MECOM: variants seen among roughly 807,000 people sequenced by gnomAD.
MECOM encodes histone-lysine N-methyltransferase MECOM.
In MECOM, 13 loss-of-function variants were observed where a neutral mutation model predicts 116.3. The ratio of observed to expected loss-of-function variants is 0.11; its 90% CI spans 0.07 to 0.18. The LOEUF (loss-of-function observed/expected upper bound fraction) is 0.18, where lower values mean the gene tolerates loss of function less well. MECOM is among the 10% of genes least tolerant of loss of function. MECOM has a pLI of 1.00. For synonymous variants in MECOM, 528 were observed against 535.2 expected (o/e 0.99, Z 0.19); for missense variants, 1,299 against 1,509.0 (o/e 0.86, Z 2.31).
At chr3:169,526,185 T>A (rs1757949197) in intron 1 of MECOM, among the ~76,000 whole-genome samples, 2 of 152,136 alleles carry the variant, frequency 1.3e-5, no homozygotes, top group South Asian at 4.2e-4. Flanking sequence ...CTATGTTCAA[T>A]GTTGAATTGA....
At position 169,663,582 on chromosome 3, in the gene MECOM, C is replaced by G; in HGVS notation, c.-210G>C. On this transcript the variant is annotated 5_prime_UTR_variant, in exon 1 of 17. Coordinates refer to ENST00000651503, the MANE Select transcript of MECOM (RefSeq NM_004991.4). ...TCTCTCTCTTCCACACACTCACTCTCTGTATTTTCTTCTTTCACTCTCTCT... is the reference window on the plus strand; with the variant it reads ...TCTCTCTCTTCCACACACTCACTCTGTGTATTTTCTTCTTTCACTCTCTCT... The G allele has an allele frequency of 1.7e-6, 1 of 593,572 alleles. No individual in the cohort carries two copies. The highest frequency in any genetic ancestry group is 2.1e-5 in the South Asian group (1 of 46,856). The allele number at this position is 593,572 out of a possible 1,614,324, so 36.8% of individuals were successfully genotyped here. A position where few individuals can be genotyped will look rare whatever the true frequency, so the allele number is the denominator to read the frequency against.
chr3:169,563,709 G>A (rs878857308), intron 1 of MECOM, among the ~76,000 whole-genome samples: 1 of 152,070 alleles, frequency 6.6e-6, no homozygotes, highest in South Asian at 2.1e-4. Flanking sequence ...GACACTACGC[G>A]GACATCAGGC....
At chr3:169,568,584 G>T (rs1372355013) in intron 1 of MECOM, among the ~76,000 whole-genome samples, 1 of 152,206 alleles carries the variant, frequency 6.6e-6, no homozygotes, top group Non-Finnish European at 1.5e-5. Flanking sequence ...TCCCCTCACA[G>T]TGTAAACAAA....
At chr3:169,421,122 C>T (rs1466925524) in intron 1 of MECOM, among the ~76,000 whole-genome samples, 1 of 152,082 alleles carries the variant, frequency 6.6e-6, no homozygotes, top group Non-Finnish European at 1.5e-5. Flanking sequence ...AGAGGTAGGA[C>T]ATGGTCTAAG....
At chr3:169,163,309 A>G (rs995766900) in intron 2 of MECOM, among the ~76,000 whole-genome samples, 5 of 152,152 alleles carry the variant, frequency 3.3e-5, no homozygotes, top group Admixed American at 6.6e-5. Context: ...AACAAATCAG[A>G]CATAATCCTT....
chr3:169,385,119 A>T (rs1380372930), intron 1 of MECOM, among the ~76,000 whole-genome samples: 1 of 151,568 alleles, frequency 6.6e-6, no homozygotes, highest in Non-Finnish European at 1.5e-5. Context: ...AAAAAAAAAA[A>T]AAAAGCATAG....
At chr3:169,088,361 A>C (rs1442622831) in intron 16 of MECOM, among the ~76,000 whole-genome samples, 1 of 152,186 alleles carries the variant, frequency 6.6e-6, no homozygotes, top group Non-Finnish European at 1.5e-5. Context: ...ATTTATTTTT[A>C]GTTACCATAG....
In MECOM at chr3:169,352,278, G is replaced by A. The variant is rs1726454823; in HGVS notation, c.375+28909C>T. Among the ~76,000 whole-genome samples, 4 of 151,878 alleles carry A rather than the reference G, an allele frequency of 2.6e-5. No homozygotes were observed. The South Asian group carries it at 8.3e-4, about 32-fold the overall frequency. On this transcript the variant is annotated intron_variant, in intron 2 of 16. Coordinates refer to ENST00000651503, the MANE Select transcript of MECOM (RefSeq NM_004991.4). ...GTTAGATTTAAAGAAATATATTAAT[G>A]GAAGTTAATAATTTCTTAAAACCGG...
intron 2 of MECOM, among the ~76,000 whole-genome samples, chr3:169,175,832 T>C (rs956737166): frequency 2.6e-5 from 4 of 152,200 alleles, no homozygotes; most frequent in Non-Finnish European, 4.4e-5. Flanking sequence ...CTTCCTTCTA[T>C]GGCAGACCCT....
At chr3:169,092,924 G>A (rs188873408) in intron 14 of MECOM, 34 bp downstream of exon 14, 77 of 1,611,846 alleles carry the variant, frequency 4.8e-5, no homozygotes, top group Middle Eastern at 1.7e-4. Flanking sequence ...CATTTCAGTC[G>A]TCACAGAGTT....
At chr3:169,207,261 A>G (rs560750452) in intron 2 of MECOM, among the ~76,000 whole-genome samples, 1 of 152,296 alleles carries the variant, frequency 6.6e-6, no homozygotes, top group Admixed American at 6.5e-5. Flanking sequence ...CCAGGTTAAG[A>G]ATAGTTCTCA....
chr3:169,178,781 G>A (rs1745555841), intron 2 of MECOM, among the ~76,000 whole-genome samples: 1 of 152,140 alleles, frequency 6.6e-6, no homozygotes, highest in Admixed American at 6.5e-5. Context: ...AACATCCAAT[G>A]TTTTATTGTT....
At chr3:169,652,732 T>G (rs369207206) in intron 1 of MECOM, among the ~76,000 whole-genome samples, 203 of 152,292 alleles carry the variant, frequency 1.3e-3, no homozygotes, top group African/African-American at 4.6e-3. Context: ...AACCTTAAAT[T>G]GTTTGAAAGA....
intron 2 of MECOM, among the ~76,000 whole-genome samples, chr3:169,291,422 G>A (rs1336581035): frequency 6.6e-6 from 1 of 151,940 alleles, no homozygotes; most frequent in East Asian, 1.9e-4. Context: ...CTAAAACTTG[G>A]CTTATACTTT....
intron 2 of MECOM, among the ~76,000 whole-genome samples, chr3:169,195,608 T>C (rs747932731): frequency 6.6e-6 from 1 of 152,042 alleles, no homozygotes; most frequent in African/African-American, 2.4e-5. Flanking sequence ...GAGAAATTAA[T>C]TGTATGAATT....
intron 2 of MECOM, among the ~76,000 whole-genome samples, chr3:169,235,480 T>C (rs964515713): frequency 1.3e-5 from 2 of 151,990 alleles, no homozygotes; most frequent in African/African-American, 2.4e-5. Context: ...CAAATGCACA[T>C]GCATACACAC....
intron 1 of MECOM, among the ~76,000 whole-genome samples, chr3:169,462,584 G>T (rs553662503): frequency 2.6e-5 from 4 of 152,124 alleles, no homozygotes; most frequent in Non-Finnish European, 4.4e-5. Flanking sequence ...TTTCTATTTA[G>T]CTTAATGGAA....
intron 2 of MECOM, among the ~76,000 whole-genome samples, chr3:169,214,306 CT>C (rs1317745086): frequency 6.6e-6 from 1 of 151,756 alleles, no homozygotes; most frequent in Non-Finnish European, 1.5e-5. Context: ...TAGTGGATGG[CT>C]GATATATACT....
chr3:169,417,513 C>G (rs925475879), intron 1 of MECOM, among the ~76,000 whole-genome samples: 2 of 151,958 alleles, frequency 1.3e-5, no homozygotes, highest in African/African-American at 4.8e-5. Context: ...GTTGGTGGGA[C>G]TGTAAACTAG....
Sources: allele counts gnomAD v4.1 joint callset (sites outside exome capture counted in the v4.1 genomes callset), GRCh38; gene constraint gnomAD v4.1.1; transcripts MANE v1.5; gene names NCBI Gene and HGNC (gene_info 2026-07-23, HGNC 2026-07-21).